The following NDRG1 variants were observed in gnomAD, a reference collection of about 807,000 sequenced individuals.
The protein encoded by NDRG1 is N-myc downstream regulated 1.
In NDRG1, 32 loss-of-function variants were observed where a neutral mutation model predicts 56.9. That is an observed-to-expected ratio of 0.56 (90% CI 0.42 to 0.76). NDRG1 has a LOEUF of 0.76. NDRG1 is among the 30% of genes least tolerant of loss of function. The pLI, the probability that NDRG1 is intolerant of heterozygous loss-of-function variation, is 0.00. For missense variants in NDRG1, 507 were observed against 545.7 expected, an observed-to-expected ratio of 0.93 and a Z score of 0.71; for synonymous variants, 211 against 204.1, an observed-to-expected ratio of 1.03 and a Z score of -0.29.
intron 14 of NDRG1, among the ~76,000 whole-genome samples, chr8:133,243,841 T>G (rs751297750): frequency 2.6e-5 from 4 of 152,258 alleles, no homozygotes; most frequent in Middle Eastern, 3.4e-3. Flanking sequence ...GGAGGGGAAA[T>G]TGAAGGGATC....
Position 133,273,612 on chromosome 8 carries a change from T to G in NDRG1, c.99+6620A>C, listed in dbSNP as rs550645041. The stretch of plus-strand genomic sequence containing the variant: ...CTCAAGAGAGGCCAGCCATTACGAC[T>G]TCCATGACTATAACATTTTTCGGAA... On this transcript the variant is annotated intron_variant, in intron 3 of 15. Coordinates refer to ENST00000323851, the MANE Select transcript of NDRG1 (RefSeq NM_006096.4). Among the ~76,000 whole-genome samples, 27 of 152,330 alleles carry G rather than the reference T, an allele frequency of 1.8e-4. No individual in the cohort carries two copies. The East Asian group carries it at 5.2e-3, about 29-fold the overall frequency.
In NDRG1 at chr8:133,242,018, C is replaced by T. The variant is rs778982295; in HGVS notation, c.943+5G>A. On this transcript the variant is annotated splice_donor_5th_base_variant and intron_variant, in intron 15 of 15. Coordinates refer to ENST00000323851, the MANE Select transcript of NDRG1 (RefSeq NM_006096.4). Reference sequence around the variant, plus strand: ...CCCACTGCACACGGGGAATGCCATACTCACTGTATCCCATGCCCTGCACGA... The same window carrying T: ...CCCACTGCACACGGGGAATGCCATATTCACTGTATCCCATGCCCTGCACGA... The T allele has an allele frequency of 2.5e-6, 4 of 1,614,224 alleles. No homozygotes were observed. The highest frequency in any genetic ancestry group is 3.4e-6 in the Non-Finnish European group (4 of 1,180,024).
chr8:133,268,465 T>C (rs1413776545), intron 3 of NDRG1, among the ~76,000 whole-genome samples: 1 of 152,084 alleles, frequency 6.6e-6, no homozygotes, highest in Non-Finnish European at 1.5e-5. Flanking sequence ...CTAGCCTTGG[T>C]GGGAAGGACA....
At position 133,254,600 on chromosome 8, in the gene NDRG1, A is replaced by T. The variant is rs1175681774; in HGVS notation, c.538-5T>A. ...AGCTTGGGTCCATCCTGAGATCTGG[A>T]AAGGAGTAAAGTGGGTGGATGAGAA... On this transcript the variant is annotated splice_polypyrimidine_tract_variant and splice_region_variant and intron_variant, in intron 8 of 15. Transcript: ENST00000323851. 5.0e-6 allele frequency: 8 copies of T among 1,613,942 alleles called. No individual in the cohort carries two copies. Among genetic ancestry groups the T allele is most frequent in the Non-Finnish European group, 6.8e-6 (8 of 1,179,922 alleles).
intron 5 of NDRG1, among the ~76,000 whole-genome samples, chr8:133,259,910 A>AG (rs1163438648): frequency 2.6e-5 from 4 of 152,196 alleles, no homozygotes; most frequent in Non-Finnish European, 4.4e-5. Flanking sequence ...GTGACGCTGA[A>AG]GGGGTCATGG....
intron 9 of NDRG1, among the ~76,000 whole-genome samples, chr8:133,250,928 A>AG (rs1187020927): frequency 1.4e-5 from 2 of 147,754 alleles, no homozygotes; most frequent in African/African-American, 4.9e-5. Context: ...AAAAAAAAAA[A>AG]GGGAAGAGAG....
chr8:133,278,878 TCTC>T (rs1255176587), intron 3 of NDRG1, among the ~76,000 whole-genome samples: 5 of 144,376 alleles, frequency 3.5e-5, no homozygotes, highest in Non-Finnish European at 7.4e-5. Flanking sequence ...CAGTGCTGTC[TCTC>T]TTCTTCTTTT....
intron 3 of NDRG1, among the ~76,000 whole-genome samples, chr8:133,278,768 A>C (rs1402372829): frequency 2.6e-5 from 4 of 151,968 alleles, no homozygotes; most frequent in African/African-American, 9.7e-5. Flanking sequence ...TAAAACCTAC[A>C]CAAGCAGCAA....
At position 133,262,033 on chromosome 8, in the gene NDRG1, A is replaced by T. The variant is rs556459212; in HGVS notation, c.326+14T>A. 6.2e-7 allele frequency: 1 copy of T among 1,606,438 alleles called. No individual in the cohort carries two copies. The highest frequency in any genetic ancestry group is 2.2e-5 in the East Asian group (1 of 44,800). ...TTCCACCCTGTAGAGCTCATAGGGC[A>T]AGAGGCCTCTCACCCTGCGGGGAAG... On this transcript the variant is annotated intron_variant, in intron 5 of 15. Transcript: ENST00000323851.
intron 3 of NDRG1, among the ~76,000 whole-genome samples, chr8:133,271,165 C>T (rs577615839): frequency 9.2e-5 from 14 of 152,294 alleles, no homozygotes; most frequent in East Asian, 5.8e-4. Flanking sequence ...AGATGCCGAC[C>T]GTTCTAGGCT....
chr8:133,266,383 A>T (rs1856920538), intron 3 of NDRG1, among the ~76,000 whole-genome samples: 1 of 152,210 alleles, frequency 6.6e-6, no homozygotes, highest in African/African-American at 2.4e-5. Flanking sequence ...ACCCATACAG[A>T]TCACTGCCGT....
chr8:133,278,693 T>C (rs1460782224), intron 3 of NDRG1, among the ~76,000 whole-genome samples: 10 of 152,084 alleles, frequency 6.6e-5, no homozygotes, highest in Admixed American at 5.2e-4. Flanking sequence ...AGGCATTACA[T>C]GAGATATTGG....
chr8:133,261,960 A>G (rs1000909981), intron 5 of NDRG1, 87 bp downstream of exon 5: 1 of 1,483,540 alleles, frequency 6.7e-7, no homozygotes, highest in Non-Finnish European at 9.0e-7. Context: ...CCACAGTTAA[A>G]AAGTATTTAA....
intron 3 of NDRG1, among the ~76,000 whole-genome samples, chr8:133,278,523 A>G (rs1857585443): frequency 6.6e-6 from 1 of 152,176 alleles, no homozygotes; most frequent in Admixed American, 6.5e-5. Flanking sequence ...AGGGCATGGG[A>G]GAAGCCTGGA....
At chr8:133,255,343 T>C in intron 8 of NDRG1, 1 of 456,308 alleles carries the variant, frequency 2.2e-6, no homozygotes, top group Non-Finnish European at 4.4e-6. Context: ...AGGGAAGGAC[T>C]GCAAGAAGTA....
At chr8:133,246,689 A>C (rs1218131073) in intron 12 of NDRG1, 26 bp from the exon 13 acceptor site, 2 of 1,613,276 alleles carry the variant, frequency 1.2e-6, no homozygotes, top group Admixed American at 3.3e-5. Context: ...GAAATCTGTT[A>C]ATTTTCTACG....
chr8:133,245,936 G>A (rs771977888), intron 13 of NDRG1, among the ~76,000 whole-genome samples: 7 of 152,216 alleles, frequency 4.6e-5, no homozygotes, highest in Non-Finnish European at 7.3e-5. Flanking sequence ...TTCTATGGGG[G>A]AAGTTGAGGG....
intron 3 of NDRG1, among the ~76,000 whole-genome samples, chr8:133,272,724 C>A (rs967590522): frequency 6.6e-6 from 1 of 152,082 alleles, no homozygotes; most frequent in South Asian, 2.1e-4. Flanking sequence ...TCCAGATGAG[C>A]GTTCCTGCCA....
At chr8:133,281,735 T>C (rs758366270) in intron 2 of NDRG1, among the ~76,000 whole-genome samples, 10 of 152,164 alleles carry the variant, frequency 6.6e-5, no homozygotes, top group Non-Finnish European at 1.0e-4. Flanking sequence ...CAGGCCCTCG[T>C]GCTGGGGATT....
Sources: allele counts gnomAD v4.1 joint callset (sites outside exome capture counted in the v4.1 genomes callset), GRCh38; gene constraint gnomAD v4.1.1; transcripts MANE v1.5; gene names NCBI Gene and HGNC (gene_info 2026-07-23, HGNC 2026-07-21).